OR51B5: variants seen among roughly 807,000 people sequenced by gnomAD.
OR51B5 encodes the protein olfactory receptor 51B5.
For missense variants in OR51B5, 456 were observed against 374.6 expected (o/e 1.22, Z -1.79); for synonymous variants, 186 against 144.8 (o/e 1.28, Z -2.04).
chr11:5,441,446 T>C (rs138503869), intron 1 of OR51B5: 116 of 1,613,714 alleles, frequency 7.2e-5, no homozygotes, highest in Non-Finnish European at 8.8e-5. Flanking sequence ...TGAGGCCTGT[T>C]TGTATCCCAG....
At chr11:5,351,722 C>T (rs759932737) in intron 1 of OR51B5, 1 of 1,613,850 alleles carries the variant, frequency 6.2e-7, no homozygotes, top group East Asian at 2.2e-5. Flanking sequence ...CTCGGAGTGA[C>T]ATTGACCACA....
intron 1 of OR51B5, among the ~76,000 whole-genome samples, chr11:5,438,577 T>C (rs1396546051): frequency 1.3e-5 from 2 of 152,238 alleles, no homozygotes; most frequent in Non-Finnish European, 2.9e-5. Flanking sequence ...ACTGCCATTA[T>C]CTATTGCTCT....
chr11:5,425,146 A>G (rs1014669231), intron 1 of OR51B5, among the ~76,000 whole-genome samples: 1 of 152,050 alleles, frequency 6.6e-6, no homozygotes, highest in Non-Finnish European at 1.5e-5. Flanking sequence ...AAAATGGAAG[A>G]TGTGCATTCT....
At chr11:5,397,262 C>A (rs952379706) in intron 1 of OR51B5, among the ~76,000 whole-genome samples, 1 of 152,136 alleles carries the variant, frequency 6.6e-6, no homozygotes, top group African/African-American at 2.4e-5. Context: ...TCAGAGTGAA[C>A]AGGCAACCTA....
At chr11:5,491,746 G>T (rs965414642) in intron 1 of OR51B5, among the ~76,000 whole-genome samples, 1 of 152,176 alleles carries the variant, frequency 6.6e-6, no homozygotes, top group Non-Finnish European at 1.5e-5. Flanking sequence ...TTCCCAAAGT[G>T]AAACTTCCCT....
chr11:5,435,948 C>G (rs1453979087), intron 1 of OR51B5, among the ~76,000 whole-genome samples: 1 of 152,150 alleles, frequency 6.6e-6, no homozygotes, highest in East Asian at 1.9e-4. Context: ...AGACTTGTGC[C>G]TGGTTCATCC....
chr11:5,491,187 G>T (rs1167746066), intron 1 of OR51B5, among the ~76,000 whole-genome samples: 1 of 152,140 alleles, frequency 6.6e-6, no homozygotes, highest in Non-Finnish European at 1.5e-5. Context: ...ACAGTGTCTG[G>T]CACACAGTAG....
intron 1 of OR51B5, among the ~76,000 whole-genome samples, chr11:5,364,548 A>G (rs11601176): frequency 0.11 from 16,853 of 152,274 alleles, 1,056 homozygotes; most frequent in South Asian, 0.15. Flanking sequence ...CTTTGAAGAG[A>G]GTAGGAGCTT....
chr11:5,373,074 A>G (rs965489001), intron 1 of OR51B5, among the ~76,000 whole-genome samples: 2 of 152,244 alleles, frequency 1.3e-5, no homozygotes, highest in Admixed American at 6.5e-5. Context: ...GGGGAAGGAT[A>G]GTCTCCTCAA....
chr11:5,407,407 C>T (rs550329557), intron 1 of OR51B5, among the ~76,000 whole-genome samples: 8 of 152,266 alleles, frequency 5.3e-5, no homozygotes, highest in South Asian at 4.1e-4. Flanking sequence ...TTTCTGACTT[C>T]GCAGAATTGC....
intron 1 of OR51B5, among the ~76,000 whole-genome samples, chr11:5,415,516 C>T (rs1447169271): frequency 6.6e-6 from 1 of 151,756 alleles, no homozygotes; most frequent in East Asian, 1.9e-4. Context: ...CAACAAAATT[C>T]ATAGACAGCT....
exon 1 of OR51B5, chr11:5,343,336 C>G: frequency 6.2e-7 from 1 of 1,611,462 alleles, no homozygotes. Flanking sequence ...TGGCAGCCAG[C>G]ATGGCCAGAA....
At chr11:5,399,045 G>T (rs146971781) in intron 1 of OR51B5, among the ~76,000 whole-genome samples, 113 of 152,300 alleles carry the variant, frequency 7.4e-4, no homozygotes, top group African/African-American at 2.6e-3. Flanking sequence ...CACCTCCCTA[G>T]CTTCTTGAAC....
intron 1 of OR51B5, among the ~76,000 whole-genome samples, chr11:5,410,848 A>G (rs1332469663): frequency 1.3e-5 from 2 of 152,176 alleles, no homozygotes; most frequent in Non-Finnish European, 2.9e-5. Flanking sequence ...AAAAGTAAAA[A>G]CAAATACATA....
chr11:5,403,966 G>A (rs776652956), intron 1 of OR51B5, among the ~76,000 whole-genome samples: 1 of 151,998 alleles, frequency 6.6e-6, no homozygotes, highest in Non-Finnish European at 1.5e-5. Context: ...TTCAATAGGA[G>A]AGAAACATAC....
chr11:5,453,705 A>G, intron 1 of OR51B5: 3 of 1,613,946 alleles, frequency 1.9e-6, no homozygotes, highest in South Asian at 1.1e-5. Flanking sequence ...TGATGTGGCC[A>G]TATCCATGGC....
rs146298201 is a variant in OR51B5, at chr11:5,351,950, C to G, written n.85-5040G>C. On this transcript the variant is annotated intron_variant and non_coding_transcript_variant, in intron 1 of 4. Coordinates refer to the OR51B5 transcript ENST00000415970. ...ATGAAGATTGGTGTGCGGGTATTGACAAGGGCTGGTCTGTCCATTATGCCA... is the reference window on the plus strand; with the variant it reads ...ATGAAGATTGGTGTGCGGGTATTGAGAAGGGCTGGTCTGTCCATTATGCCA... 37 of 1,612,942 alleles carry G rather than the reference C, an allele frequency of 2.3e-5. No individual in the cohort carries two copies. Among genetic ancestry groups the G allele is most frequent in the Non-Finnish European group, 2.8e-5 (33 of 1,179,072 alleles).
At chr11:5,406,348 A>G (rs1014856335) in intron 1 of OR51B5, among the ~76,000 whole-genome samples, 3 of 152,034 alleles carry the variant, frequency 2.0e-5, no homozygotes, top group Admixed American at 1.3e-4. Flanking sequence ...ATTTTTTCCA[A>G]TCTTTATCCT....
At chr11:5,421,096 C>T (rs969442552) in intron 1 of OR51B5, among the ~76,000 whole-genome samples, 4 of 152,246 alleles carry the variant, frequency 2.6e-5, no homozygotes, top group Non-Finnish European at 5.9e-5. Flanking sequence ...AACTGTGATT[C>T]AATATGGCTT....
Sources: gnomAD v4.1 joint callset for allele counts (sites outside exome capture counted in the v4.1 genomes callset) on GRCh38, gnomAD v4.1.1 for gene constraint, MANE v1.5 for transcripts, NCBI Gene and HGNC (gene_info 2026-07-23, HGNC 2026-07-21) for gene names.